PEAK3: variants seen among roughly 807,000 people sequenced by gnomAD.
The protein encoded by PEAK3 is PEAK family member 3.
PEAK3 carries 15 observed loss-of-function variants against 13.3 expected under a neutral mutation model. That is an observed-to-expected ratio of 1.13 (90% CI 0.75 to 1.73). PEAK3 has a LOEUF of 1.73. Among genes scored for constraint, PEAK3 ranks in the 40% most tolerant of loss-of-function variants. The probability of loss-of-function intolerance (pLI) is 0.00; values close to 1 mark genes in which losing one functional copy is unlikely to be tolerated. For synonymous variants in PEAK3, 347 were observed against 341.9 expected, an observed-to-expected ratio of 1.01 and a Z score of -0.17; for missense variants, 739 against 690.2, an observed-to-expected ratio of 1.07 and a Z score of -0.79.
Position 2,275,226 on chromosome 19 carries a change from C to T in PEAK3, c.*454G>A, listed in dbSNP as rs1189902373. 2 of 153,786 alleles carry T rather than the reference C, an allele frequency of 1.3e-5. No individual in the cohort carries two copies. The highest frequency in any genetic ancestry group is 4.8e-5 in the African/African-American group (2 of 41,538). 9.5% of individuals were successfully genotyped at this position (153,786 alleles called of 1,614,324 possible). ...TCTCCACCAGGGACAGGGGCATTCA[C>T]ATGCCCAAAATCACTGGCCATCTTC... is the stretch of plus-strand genomic sequence containing the variant. On this transcript the variant is annotated 3_prime_UTR_variant, in exon 4 of 4. Coordinates refer to ENST00000342063, the MANE Select transcript of PEAK3 (RefSeq NM_198532.3).
At chr19:2,278,487 A>C in intron 3 of PEAK3, 97 bp downstream of exon 3, 1 of 1,283,370 alleles carries the variant, frequency 7.8e-7, no homozygotes. Flanking sequence ...GCAGTGTGAG[A>C]ACTGACTCAC....
In PEAK3 at chr19:2,276,290, G is replaced by C; in HGVS notation, c.812C>G (p.Thr271Arg). Residue 271 changes from threonine to arginine, a missense_variant, in exon 4 of 4, where the codon ACG becomes AGG. Thr to Arg is a moderately conservative substitution (Grantham distance 71). Transcript: ENST00000342063. ...CCACACGAACTCCTCCGGCGGCTGC[G>C]TGCAGGCCTCCGCCAGCCACTGCGC... ...TVAQWLAEAC[T>R]QPPEEFVWAV... 6.3e-7 allele frequency: 1 copy of C among 1,591,840 alleles called. No homozygotes were observed. The highest frequency in any genetic ancestry group is 8.5e-7 in the Non-Finnish European group (1 of 1,176,154).
rs770936690 is a variant in PEAK3, at chr19:2,276,468, C to A, written c.634G>T (p.Val212Leu). The A allele has an allele frequency of 1.3e-6, 2 of 1,553,934 alleles. No individual in the cohort carries two copies. Among genetic ancestry groups the A allele is most frequent in the Non-Finnish European group, 1.7e-6 (2 of 1,155,270 alleles). ...VAKVPKPGADVPHPWGLELQA... is the reference protein window; with the variant it reads ...VAKVPKPGADLPHPWGLELQA... Reference sequence around the variant, plus strand: ...AGCTCCAGGCCCCACGGGTGGGGCACGTCCGCCCCGGGCTTGGGCACCTGC... The same window carrying A: ...AGCTCCAGGCCCCACGGGTGGGGCAAGTCCGCCCCGGGCTTGGGCACCTGC... Residue 212 changes from valine to leucine, a missense_variant, in exon 4 of 4, where the codon GTG (valine) becomes TTG (leucine). By Grantham distance (32) the Val-to-Leu change is conservative (BLOSUM62 1). Coordinates refer to ENST00000342063, the MANE Select transcript of PEAK3 (RefSeq NM_198532.3).
Position 2,276,076 on chromosome 19 carries a change from CG to C in PEAK3, c.1025del (p.Pro342ArgfsTer40). On this transcript the variant is annotated frameshift_variant, in exon 4 of 4. Coordinates refer to ENST00000342063, the MANE Select transcript of PEAK3 (RefSeq NM_198532.3). LOFTEE classifies it low-confidence loss of function (END_TRUNC). ...GCGGCGCGTGGGGGCCCGGGGATCC[CG>C]GGGGTCCAGGGGGCTGCAGACAGAC... is the stretch of plus-strand genomic sequence containing the variant. Reference protein sequence around the residue: ...GRVCLQPPGPPGSPGPHAPQL... With the variant: ...GRVCLQPPGPXGSPGPHAPQL... The C allele has an allele frequency of 6.8e-7, 1 of 1,467,690 alleles. No homozygotes were observed. 90.9% of individuals were successfully genotyped at this position (1,467,690 alleles called of 1,614,324 possible).
chr19:2,276,043 G>A lies in PEAK3; in HGVS notation c.1059C>T (p.Gly353=). 6.9e-7 allele frequency: 1 copy of A among 1,440,386 alleles called. No individual in the cohort carries two copies. The highest frequency in any genetic ancestry group is 9.1e-7 in the Non-Finnish European group (1 of 1,099,926). The allele number at this position is 1,440,386 out of a possible 1,614,324, so 89.2% of individuals were successfully genotyped here. The change falls in exon 4 of 4, where the codon GGC becomes GGT. Residue 353 remains glycine (G), a synonymous_variant. Coordinates refer to ENST00000342063, the MANE Select transcript of PEAK3 (RefSeq NM_198532.3). ...GGCTGAGCAGCGCTCGGAGGAGGCTGCCCAGCTGCGGCGCGTGGGGGCCCG... is the reference window on the plus strand; with the variant it reads ...GGCTGAGCAGCGCTCGGAGGAGGCTACCCAGCTGCGGCGCGTGGGGGCCCG... ...GSPGPHAPQL[G]SLLRALLSLA... is the part of the protein sequence containing the mutation.
intron 3 of PEAK3, among the ~76,000 whole-genome samples, chr19:2,277,197 G>A (rs1347413939): frequency 6.6e-6 from 1 of 152,140 alleles, no homozygotes; most frequent in Non-Finnish European, 1.5e-5. Flanking sequence ...GTCTGGATCT[G>A]TGTCCCCACC....
chr19:2,280,800 TGCCGCTCCCTGCACCCCC>T, intron 2 of PEAK3, 32 bp downstream of exon 2: 1 of 1,396,418 alleles, frequency 7.2e-7, no homozygotes, highest in Non-Finnish European at 9.7e-7. Context: ...TGCACCCCCC[TGCCGCTCCCTGCACCCCC>T]GCAGCCCAGG....
Position 2,278,967 on chromosome 19 carries a change from G to A in PEAK3, c.229C>T (p.His77Tyr). ...GGCTGTACTTGGATGGAGCTGGGAT[G>A]GAGGGTCCTGCGGGTGGGCAGTGAC... is the stretch of plus-strand genomic sequence containing the variant. ...TQSLPTRRTLHPSSIQVQPPR... is the reference protein window; with the variant it reads ...TQSLPTRRTLYPSSIQVQPPR... The change falls in exon 3 of 4, where the codon CAT becomes TAT. Residue 77 changes from histidine to tyrosine, a missense_variant. His to Tyr is a moderately conservative substitution (Grantham distance 83, BLOSUM62 2). Coordinates refer to ENST00000342063, the MANE Select transcript of PEAK3 (RefSeq NM_198532.3). 1 of 1,603,184 alleles carries A rather than the reference G, an allele frequency of 6.2e-7. No individual in the cohort carries two copies. Among genetic ancestry groups the A allele is most frequent in the Admixed American group, 1.7e-5 (1 of 59,230 alleles).
In PEAK3 at chr19:2,275,881, G is replaced by T. The variant is rs1346223450; in HGVS notation, c.1221C>A (p.Arg407=). 3.5e-6 allele frequency: 5 copies of T among 1,428,576 alleles called. No individual in the cohort carries two copies. The highest frequency in any genetic ancestry group is 1.4e-5 in the South Asian group (1 of 70,442). The allele number at this position is 1,428,576 out of a possible 1,614,324, so 88.5% of individuals were successfully genotyped here. The change falls in exon 4 of 4, where the codon CGC becomes CGA. Residue 407 remains arginine (R), a synonymous_variant. Coordinates refer to ENST00000342063, the MANE Select transcript of PEAK3 (RefSeq NM_198532.3). The part of the protein sequence containing the change: ...ALLWGPGPEL[R]GRGAPLGPWL... The stretch of plus-strand genomic sequence containing the variant: ...AGGGACCAAGCGGTGCTCCGCGGCC[G>T]CGCAGCTCAGGCCCGGGCCCCCAGA...
chr19:2,276,811 C>G lies in PEAK3; in HGVS notation c.613-322G>C, dbSNP rs143898992. On this transcript the variant is annotated intron_variant, in intron 3 of 3. Transcript: ENST00000342063. ...AGGGGGATCGCTGAGGTCAGGAGTT[C>G]GAGACCAGCCTGGCCAACGCAGGGA... Among the ~76,000 whole-genome samples, 273 of 152,192 alleles carry G rather than the reference C, an allele frequency of 1.8e-3. 1 individual carries two copies. The highest frequency in any genetic ancestry group is 6.5e-3 in the African/African-American group (268 of 41,530).
At position 2,278,724 on chromosome 19, in the gene PEAK3, TGAGCCGGGCACG is replaced by T. The variant is rs1234672149; in HGVS notation, c.460_471del (p.Arg154_Leu157del). The T allele has an allele frequency of 2.6e-6, 4 of 1,532,476 alleles. No individual in the cohort carries two copies. The Admixed American group carries it at 6.2e-5, about 24-fold the overall frequency. 94.9% of individuals were successfully genotyped at this position (1,532,476 alleles called of 1,614,324 possible). On this transcript the variant is annotated inframe_deletion, in exon 3 of 4. Transcript: ENST00000342063. Reference sequence around the variant, plus strand: ...TGGCAGGGCCCGGGGTGGCCCCCCATGAGCCGGGCACGGAGCCGGGCATAGATGGTACGGAGG... The same window carrying T: ...TGGCAGGGCCCGGGGTGGCCCCCCATGAGCCGGGCATAGATGGTACGGAGG...
intron 3 of PEAK3, among the ~76,000 whole-genome samples, chr19:2,278,115 G>A (rs1480224652): frequency 6.7e-6 from 1 of 149,938 alleles, no homozygotes; most frequent in Non-Finnish European, 1.5e-5. Context: ...TGCCCGCCTC[G>A]GCCTCCCAAA....
chr19:2,275,701 G>A lies in PEAK3; in HGVS notation c.1401C>T (p.Ala467=), dbSNP rs776289503. 2.6e-6 allele frequency: 4 copies of A among 1,525,120 alleles called. No individual in the cohort carries two copies. The highest frequency in any genetic ancestry group is 2.5e-5 in the South Asian group (2 of 79,108). The allele number at this position is 1,525,120 out of a possible 1,614,324, so 94.5% of individuals were successfully genotyped here. A position where few individuals can be genotyped will look rare whatever the true frequency, so the allele number is the denominator to read the frequency against. Reference sequence around the variant, plus strand: ...GGGGTCAGTCCCACAGCAGCGCCAGGGCCTGGCCCATCGAGGACTCGGTGG... The same window carrying A: ...GGGGTCAGTCCCACAGCAGCGCCAGAGCCTGGCCCATCGAGGACTCGGTGG... ...AEATESSMGQ[A]LALLWD Residue 467 remains alanine, a synonymous_variant, in exon 4 of 4, where the codon GCC becomes GCT. Coordinates refer to ENST00000342063, the MANE Select transcript of PEAK3 (RefSeq NM_198532.3).
chr19:2,276,366 G>T lies in PEAK3; in HGVS notation c.736C>A (p.Pro246Thr). ...GCCAGCGCCACTGCGCCTCTCCAGGGCGCCCCGGGCAGTGTGCCTTCAGGC... is the reference window on the plus strand; with the variant it reads ...GCCAGCGCCACTGCGCCTCTCCAGGTCGCCCCGGGCAGTGTGCCTTCAGGC... ...LVPEGTLPGA[P>T]WRGAVALAAE... Residue 246 changes from proline to threonine, a missense_variant, in exon 4 of 4, where the codon CCC becomes ACC. Transcript: ENST00000342063. 6.3e-7 allele frequency: 1 copy of T among 1,599,672 alleles called. No homozygotes were observed.
Position 2,278,674 on chromosome 19 carries a change from T to G in PEAK3, c.522A>C (p.Leu174=). The G allele has an allele frequency of 2.0e-6, 3 of 1,524,018 alleles. No homozygotes were observed. Among genetic ancestry groups the G allele is most frequent in the Non-Finnish European group, 2.6e-6 (3 of 1,135,780 alleles). The allele number at this position is 1,524,018 out of a possible 1,614,324, so 94.4% of individuals were successfully genotyped here. The change falls in exon 3 of 4, where the codon CTA becomes CTC. Residue 174 remains leucine, a synonymous_variant. Coordinates refer to ENST00000342063, the MANE Select transcript of PEAK3 (RefSeq NM_198532.3). ...PCHPGHSFRL[L]DSSPCAESGD... The stretch of plus-strand genomic sequence containing the variant: ...CGCTCTCTGCGCAGGGTGAGCTGTC[T>G]AGGAGGCGGAAGCTGTGGCCGGGGT...
chr19:2,280,868 GCTGAGT>G lies in PEAK3; in HGVS notation c.58_63del (p.Thr20_Gln21del). The G allele has an allele frequency of 6.2e-7, 1 of 1,606,688 alleles. No homozygotes were observed. Among genetic ancestry groups the G allele is most frequent in the Non-Finnish European group, 8.5e-7 (1 of 1,176,602 alleles). ...TGCTTACCAAGGTTGCTATACGTGG[GCTGAGT>G]CGACCAGGTGGGGTTGTCGGGCTCG... On this transcript the variant is annotated inframe_deletion, in exon 2 of 4. Transcript: ENST00000342063.
chr19:2,277,185 T>A (rs1477017979), intron 3 of PEAK3, among the ~76,000 whole-genome samples: 1 of 152,100 alleles, frequency 6.6e-6, no homozygotes, highest in Non-Finnish European at 1.5e-5. Flanking sequence ...AAGTCTAATA[T>A]GGTCTGGATC....
At chr19:2,281,281 C>A (rs1599160050) in intron 1 of PEAK3, among the ~76,000 whole-genome samples, 1 of 126,936 alleles carries the variant, frequency 7.9e-6, no homozygotes, top group Non-Finnish European at 1.7e-5. Flanking sequence ...TGGGGCCCTG[C>A]TGTGTGATCC....
In PEAK3 at chr19:2,278,784, G is replaced by T. The variant is rs781531448; in HGVS notation, c.412C>A (p.Leu138Met). The change falls in exon 3 of 4, where the codon CTG becomes ATG. Residue 138 changes from leucine (L) to methionine (M), a missense_variant. By Grantham distance (15) the Leu-to-Met change is conservative (BLOSUM62 2). Coordinates refer to ENST00000342063, the MANE Select transcript of PEAK3 (RefSeq NM_198532.3). The part of the protein sequence containing the change: ...LHSPEAVHTA[L>M]AARQLQGLRT... ...AGGCCCTGCAGCTGCCGCGCAGCCAGTGCAGTGTGCACAGCCTCCGGGCTG... is the reference window on the plus strand; with the variant it reads ...AGGCCCTGCAGCTGCCGCGCAGCCATTGCAGTGTGCACAGCCTCCGGGCTG... 4 of 1,577,138 alleles carry T rather than the reference G, an allele frequency of 2.5e-6. No homozygotes were observed. Among genetic ancestry groups the T allele is most frequent in the South Asian group, 2.3e-5 (2 of 88,004 alleles).
Sources: allele counts gnomAD v4.1 joint callset (sites outside exome capture counted in the v4.1 genomes callset), GRCh38; gene constraint gnomAD v4.1.1; transcripts MANE v1.5; gene names NCBI Gene and HGNC (gene_info 2026-07-23, HGNC 2026-07-21).